The following GALNT17 variants were observed in gnomAD, a reference collection of about 807,000 sequenced individuals.
GALNT17 encodes UDP-GalNAc:polypeptide N-acetylgalactosaminyltransferase-like 3.
In GALNT17, 29 loss-of-function variants were observed where a neutral mutation model predicts 63.7. The observed-to-expected ratio is 0.46, with a 90% CI of 0.34 to 0.62. The LOEUF (loss-of-function observed/expected upper bound fraction) is 0.62. Among genes scored for constraint, GALNT17 ranks in the 20% least tolerant of loss-of-function variants. The probability of loss-of-function intolerance (pLI) is 0.01; values close to 1 mark genes in which losing one functional copy is unlikely to be tolerated. For missense variants in GALNT17, 603 were observed against 799.6 expected (o/e 0.75, Z 2.97); for synonymous variants, 305 against 318.3 (o/e 0.96, Z 0.45).
chr7:71,283,838 G>T (rs142980468), intron 1 of GALNT17, among the ~76,000 whole-genome samples: 2,852 of 152,202 alleles, frequency 0.019, 80 homozygotes, highest in African/African-American at 0.062. Flanking sequence ...GGGACTTGGA[G>T]AACTTTTCTG....
intron 5 of GALNT17, among the ~76,000 whole-genome samples, chr7:71,454,676 A>G (rs1253610489): frequency 1.3e-5 from 2 of 152,170 alleles, no homozygotes; most frequent in African/African-American, 2.4e-5. Flanking sequence ...ATAAATATTT[A>G]CCAAAGGAGA....
chr7:71,163,996 A>G (rs1788392717), intron 1 of GALNT17, among the ~76,000 whole-genome samples: 1 of 152,238 alleles, frequency 6.6e-6, no homozygotes, highest in African/African-American at 2.4e-5. Flanking sequence ...TGGGTACTCT[A>G]GAACCAATGG....
chr7:71,439,526 A>G (rs952594042), intron 5 of GALNT17, among the ~76,000 whole-genome samples: 11 of 152,208 alleles, frequency 7.2e-5, no homozygotes, highest in African/African-American at 2.7e-4. Flanking sequence ...ACAAGCAGAG[A>G]GGCCTGCCTC....
chr7:71,160,240 C>T (rs550293100), intron 1 of GALNT17, among the ~76,000 whole-genome samples: 2 of 152,268 alleles, frequency 1.3e-5, no homozygotes, highest in African/African-American at 4.8e-5. Flanking sequence ...TAAGATCATA[C>T]TCATGTATAA....
intron 1 of GALNT17, among the ~76,000 whole-genome samples, chr7:71,197,974 G>C (rs1031225815): frequency 1.3e-5 from 2 of 151,978 alleles, no homozygotes; most frequent in African/African-American, 4.8e-5. Context: ...GAGGTGGGCG[G>C]ATCACCAGAG....
intron 6 of GALNT17, among the ~76,000 whole-genome samples, chr7:71,639,818 G>T (rs578159110): frequency 6.6e-6 from 1 of 152,292 alleles, no homozygotes; most frequent in East Asian, 1.9e-4. Flanking sequence ...TGCTTTGGCT[G>T]TTGGAACCTT....
chr7:71,591,254 C>T (rs940681944), intron 6 of GALNT17, among the ~76,000 whole-genome samples: 5 of 152,058 alleles, frequency 3.3e-5, no homozygotes, highest in African/African-American at 7.2e-5. Flanking sequence ...CAGGGTTTCA[C>T]CATGTTGGCC....
intron 1 of GALNT17, among the ~76,000 whole-genome samples, chr7:71,326,488 G>C (rs1791707320): frequency 6.6e-6 from 1 of 152,138 alleles, no homozygotes; most frequent in South Asian, 2.1e-4. Flanking sequence ...AAGAGAGAGA[G>C]AGAGGATCTC....
intron 6 of GALNT17, among the ~76,000 whole-genome samples, chr7:71,575,376 G>T (rs542922958): frequency 7.1e-6 from 1 of 140,004 alleles, no homozygotes; most frequent in Non-Finnish European, 1.5e-5. Context: ...TTTAACATGA[G>T]AACACTATTT....
intron 1 of GALNT17, among the ~76,000 whole-genome samples, chr7:71,292,668 AGT>A (rs201057078): frequency 0.047 from 3,159 of 67,240 alleles, 44 homozygotes; most frequent in East Asian, 0.1. Context: ...AGAGAGAGAG[AGT>A]GTGTGTGTGT....
chr7:71,575,807 A>T (rs1302045184), intron 6 of GALNT17, among the ~76,000 whole-genome samples: 2 of 152,206 alleles, frequency 1.3e-5, no homozygotes, highest in African/African-American at 4.8e-5. Context: ...GAACACAAGA[A>T]TAGAAAGTCT....
At chr7:71,294,132 A>T (rs1050561095) in intron 1 of GALNT17, among the ~76,000 whole-genome samples, 1 of 149,900 alleles carries the variant, frequency 6.7e-6, no homozygotes, top group Non-Finnish European at 1.5e-5. Context: ...ACTGCACTCC[A>T]GCCTGGGCAA....
At chr7:71,433,492 C>T (rs1368033068) in intron 5 of GALNT17, among the ~76,000 whole-genome samples, 1 of 152,204 alleles carries the variant, frequency 6.6e-6, no homozygotes, top group African/African-American at 2.4e-5. Flanking sequence ...GGCTTGTACA[C>T]AGCAAGCAGG....
chr7:71,444,068 C>T (rs1787117276), intron 5 of GALNT17, among the ~76,000 whole-genome samples: 1 of 152,214 alleles, frequency 6.6e-6, no homozygotes, highest in African/African-American at 2.4e-5. Flanking sequence ...ACTAAGACAT[C>T]CTCTTGCCCT....
intron 5 of GALNT17, among the ~76,000 whole-genome samples, chr7:71,460,711 T>C (rs1787437889): frequency 6.6e-6 from 1 of 152,210 alleles, no homozygotes. Context: ...TTGCCCATTT[T>C]TATGGTTATT....
At position 71,146,423 on chromosome 7, in the gene GALNT17, C is replaced by T. The variant is rs187993348; in HGVS notation, c.238+13383C>T. On this transcript the variant is annotated intron_variant, in intron 1 of 10. Coordinates refer to ENST00000333538, the MANE Select transcript of GALNT17 (RefSeq NM_022479.3). ...GGACAAGAGATGGAATCCAGAATTA[C>T]AGGGAAGCCAACTCTCCATGGGTGG... Among the ~76,000 whole-genome samples, 129 of 152,278 alleles carry T rather than the reference C, an allele frequency of 8.5e-4. 1 individual carries two copies. The highest frequency in any genetic ancestry group is 3.0e-3 in the African/African-American group (124 of 41,560).
intron 5 of GALNT17, among the ~76,000 whole-genome samples, chr7:71,512,610 G>C (rs1410174405): frequency 6.6e-6 from 1 of 152,200 alleles, no homozygotes; most frequent in African/African-American, 2.4e-5. Context: ...TGCCCCTTCA[G>C]AGATGAACGT....
chr7:71,183,904 CA>C (rs1171379570), intron 1 of GALNT17, among the ~76,000 whole-genome samples: 1 of 151,692 alleles, frequency 6.6e-6, no homozygotes, highest in Non-Finnish European at 1.5e-5. Flanking sequence ...AAAAAAAAAT[CA>C]ACACACAAAG....
At chr7:71,502,946 A>C (rs1788204196) in intron 5 of GALNT17, among the ~76,000 whole-genome samples, 2 of 152,136 alleles carry the variant, frequency 1.3e-5, no homozygotes, top group African/African-American at 4.8e-5. Context: ...CCGTGTTACT[A>C]AGTCAGACAT....
Sources: gnomAD v4.1 joint callset for allele counts (sites outside exome capture counted in the v4.1 genomes callset) on GRCh38, gnomAD v4.1.1 for gene constraint, MANE v1.5 for transcripts, NCBI Gene and HGNC (gene_info 2026-07-23, HGNC 2026-07-21) for gene names.